The following OPRL1 variants were observed in gnomAD, a reference collection of about 807,000 sequenced individuals.
The protein encoded by OPRL1 is opioid related nociceptin receptor 1, also known as nociceptin receptor.
Under a neutral mutation model 15.5 loss-of-function variants are expected in OPRL1, and 5 were observed. That is an observed-to-expected ratio of 0.32 (90% confidence interval 0.17 to 0.68). OPRL1 has a LOEUF of 0.68. Among genes scored for constraint, OPRL1 ranks in the 30% least tolerant of loss-of-function variants. The probability of loss-of-function intolerance (pLI) is 0.72; values close to 1 mark genes in which losing one functional copy is unlikely to be tolerated. For synonymous variants in OPRL1, 223 were observed against 230.2 expected, an observed-to-expected ratio of 0.97 and a Z score of 0.28; for missense variants, 406 against 515.3, an observed-to-expected ratio of 0.79 and a Z score of 2.05.
chr20:64,093,109 C>G (rs892289013), intron 3 of OPRL1, among the ~76,000 whole-genome samples, 156 bp downstream of exon 3: 1 of 151,742 alleles, frequency 6.6e-6, no homozygotes, highest in Non-Finnish European at 1.5e-5. Flanking sequence ...AGGGTCAGTC[C>G]TGAGGCCCTG....
Position 64,091,394 on chromosome 20 carries a change from C to T in OPRL1, c.-184-572C>T, listed in dbSNP as rs560876740. On this transcript the variant is annotated intron_variant, in intron 1 of 4. Coordinates refer to ENST00000336866, the MANE Select transcript of OPRL1 (RefSeq NM_182647.4). ...AGTGACGAACAGACCCGGGTTTCAC[C>T]CCGTCTCTGCCACTGTGACAGGTGG... Among the ~76,000 whole-genome samples, 4 of 152,322 alleles carry T rather than the reference C, an allele frequency of 2.6e-5. No homozygotes were observed. The South Asian group carries it at 6.2e-4, about 24-fold the overall frequency.
In OPRL1 at chr20:64,088,757, C is replaced by G. The variant is rs2060087260; in HGVS notation, c.-184-3209C>G. 2.3e-4 allele frequency among the ~76,000 whole-genome samples: 19 copies of G among 83,726 alleles called. 1 individual carries two copies. The highest frequency in any genetic ancestry group is 1.2e-3 in the East Asian group (3 of 2,508). 54.9% of individuals were successfully genotyped at this position (83,726 alleles called of 152,430 possible). ...AAGGGGTAGGATCTGTGCAGAGTGG[C>G]CAGGATCTGTGCAGGGAGGGTAGGA... On this transcript the variant is annotated intron_variant, in intron 1 of 4. Coordinates refer to ENST00000336866, the MANE Select transcript of OPRL1 (RefSeq NM_182647.4).
intron 1 of OPRL1, among the ~76,000 whole-genome samples, chr20:64,080,650 C>T (rs1365270369): frequency 6.6e-6 from 1 of 152,194 alleles, no homozygotes; most frequent in Non-Finnish European, 1.5e-5. Flanking sequence ...TCCTTTATGA[C>T]TCGGTACAGA....
Position 64,098,031 on chromosome 20 carries a change from C to G in OPRL1, c.463C>G (p.Pro155Ala). 1 of 1,613,284 alleles carries G rather than the reference C, an allele frequency of 6.2e-7. No homozygotes were observed. The highest frequency in any genetic ancestry group is 8.5e-7 in the Non-Finnish European group (1 of 1,179,952). ...SVDRYVAICH[P>A]IRALDVRTSS... ...GGATCGCTATGTAGCCATCTGCCAC[C>G]CCATCCGTGCCCTCGACGTCCGCAC... Residue 155 changes from proline (P) to alanine (A), a missense_variant, in exon 4 of 5, where the codon CCC becomes GCC. Transcript: ENST00000336866.
chr20:64,091,700 TGTCCTGTGTCTCCA>T (rs1384010457), intron 1 of OPRL1, among the ~76,000 whole-genome samples: 1 of 152,188 alleles, frequency 6.6e-6, no homozygotes, highest in Non-Finnish European at 1.5e-5. Context: ...TGTGTCTCTC[TGTCCTGTGTCTCCA>T]ATCCTGTGTC....
chr20:64,085,055 C>A (rs2060029496), intron 1 of OPRL1: 1 of 152,246 alleles, frequency 6.6e-6, no homozygotes, highest in Non-Finnish European at 1.5e-5. Context: ...GCAGGGTCCC[C>A]TCCGGAGGGC....
At position 64,092,367 on chromosome 20, in the gene OPRL1, G is replaced by A. The variant is rs146834306; in HGVS notation, c.-34+251G>A. 1.3e-3 allele frequency among the ~76,000 whole-genome samples: 199 copies of A among 152,260 alleles called. 1 individual carries two copies. In the Middle Eastern group the frequency reaches 0.02, roughly 16 times the overall value. On this transcript the variant is annotated intron_variant, in intron 2 of 4. Transcript: ENST00000336866. ...GTGTGTTCATCAGTCCCTGTGGGTG[G>A]ACACGTGTCCTGGGGTGTAGCTGCC...
intron 1 of OPRL1, chr20:64,086,503 A>G (rs1217204895): frequency 6.1e-5 from 12 of 196,828 alleles, no homozygotes; most frequent in Non-Finnish European, 3.5e-5. Context: ...TTCTGTCCCC[A>G]GGATTCACGT....
At chr20:64,088,707 T>TGTGCAGGGAGGGCAGGATCC (rs2060083851) in intron 1 of OPRL1, among the ~76,000 whole-genome samples, 1 of 118,982 alleles carries the variant, frequency 8.4e-6, no homozygotes, top group Non-Finnish European at 1.8e-5. Context: ...GGCCAGGGTC[T>TGTGCAGGGAGGGCAGGATCC]GTGCAGAGTG....
Position 64,098,583 on chromosome 20 carries a change from C to T in OPRL1, c.897C>T (p.Ala299=). ...AGCCGAGCAGCGAGACTGCCGTGGCCATTCTGCGCTTCTGCACGGCCCTGG... is the reference window on the plus strand; with the variant it reads ...AGCCGAGCAGCGAGACTGCCGTGGCTATTCTGCGCTTCTGCACGGCCCTGG... The part of the protein sequence containing the change: ...GVQPSSETAV[A]ILRFCTALGY... Residue 299 remains alanine (A), a synonymous_variant, in exon 5 of 5, where the codon GCC becomes GCT. Transcript: ENST00000336866. 1.9e-6 allele frequency: 3 copies of T among 1,612,890 alleles called. No homozygotes were observed. The highest frequency in any genetic ancestry group is 2.5e-6 in the Non-Finnish European group (3 of 1,179,992).
chr20:64,093,156 T>C (rs1978400122), intron 3 of OPRL1, among the ~76,000 whole-genome samples: 1 of 150,918 alleles, frequency 6.6e-6, no homozygotes, highest in African/African-American at 2.4e-5. Flanking sequence ...GGGAGGGGGC[T>C]GGCCCTGGCC....
chr20:64,086,422 G>C (rs1299607087), intron 1 of OPRL1: 1 of 190,052 alleles, frequency 5.3e-6, no homozygotes, highest in Non-Finnish European at 1.2e-5. Flanking sequence ...TCTGCAAGAA[G>C]GGAGGTGTTC....
Position 64,083,653 on chromosome 20 carries a change from A to C in OPRL1, c.-185+3301A>C. ...CGGCGGCAGGAACAGCTCCAGCCGG[A>C]TGGCGGCGCGCGCGGACTTCTGCCG... On this transcript the variant is annotated intron_variant, in intron 1 of 4. Transcript: ENST00000336866. The surrounding 1 kb of genome is among the most constrained non-coding windows in gnomAD (Gnocchi z 4.9). 1 of 1,443,348 alleles carries C rather than the reference A, an allele frequency of 6.9e-7. No homozygotes were observed. Among genetic ancestry groups the C allele is most frequent in the Non-Finnish European group, 9.1e-7 (1 of 1,103,834 alleles). The allele number at this position is 1,443,348 out of a possible 1,614,324, so 89.4% of individuals were successfully genotyped here.
Position 64,090,298 on chromosome 20 carries a change from G to A in OPRL1, c.-184-1668G>A, listed in dbSNP as rs954743423. Among the ~76,000 whole-genome samples the A allele has an allele frequency of 2.6e-5, 4 of 152,188 alleles. No individual in the cohort carries two copies. The highest frequency in any genetic ancestry group is 6.5e-5 in the Admixed American group (1 of 15,274). ...GTGTCCCTTGAGTGTCTCTGTTGAC[G>A]TGCCCCGTGCCTTCACACGTGTCCC... On this transcript the variant is annotated intron_variant, in intron 1 of 4. Transcript: ENST00000336866. This position sits in a 1 kb window ranked among gnomAD's most constrained non-coding sequence, Gnocchi z 4.9.
intron 3 of OPRL1, among the ~76,000 whole-genome samples, chr20:64,093,275 A>AGCG (rs1057453826): frequency 2.7e-5 from 4 of 150,348 alleles, no homozygotes; most frequent in African/African-American, 9.8e-5. Flanking sequence ...GAGATCCCAC[A>AGCG]GCGGCCCTGG....
chr20:64,080,091 G>T lies in OPRL1; in HGVS notation c.-446G>T. On this transcript the variant is annotated 5_prime_UTR_variant, in exon 1 of 5. Coordinates refer to ENST00000336866, the MANE Select transcript of OPRL1 (RefSeq NM_182647.4). ...GCCGGCTCCGCACCCCACCCGCCCC[G>T]CCCGCGCGTCGGCCCCCACAGTCGC... 1 of 143,776 alleles carries T rather than the reference G, an allele frequency of 7.0e-6. No individual in the cohort carries two copies. The highest frequency in any genetic ancestry group is 2.2e-4 in the East Asian group (1 of 4,636). The allele number at this position is 143,776 out of a possible 1,614,324, so 8.9% of individuals were successfully genotyped here.
chr20:64,098,016 G>A lies in OPRL1; in HGVS notation c.448G>A (p.Val150Ile). The A allele has an allele frequency of 1.9e-6, 3 of 1,613,548 alleles. No individual in the cohort carries two copies. Among genetic ancestry groups the A allele is most frequent in the Non-Finnish European group, 2.5e-6 (3 of 1,180,006 alleles). ...TLTAMSVDRY[V>I]AICHPIRALD... ...AACTGCCATGAGTGTGGATCGCTAT[G>A]TAGCCATCTGCCACCCCATCCGTGC... Residue 150 changes from valine (V) to isoleucine (I), a missense_variant, in exon 4 of 5, where the codon GTA becomes ATA. Transcript: ENST00000336866.
chr20:64,082,580 C>A (rs1442912758), intron 1 of OPRL1, among the ~76,000 whole-genome samples: 1 of 152,110 alleles, frequency 6.6e-6, no homozygotes, highest in Non-Finnish European at 1.5e-5. Flanking sequence ...TCCTGCGGTC[C>A]CGCTTCTGTG....
In OPRL1 at chr20:64,097,255, T is replaced by C. The variant is rs140080720; in HGVS notation, c.234-547T>C. 1.5e-3 allele frequency among the ~76,000 whole-genome samples: 223 copies of C among 152,284 alleles called. No homozygotes were observed. The highest frequency in any genetic ancestry group is 5.0e-3 in the African/African-American group (206 of 41,550). On this transcript the variant is annotated intron_variant, in intron 3 of 4. Transcript: ENST00000336866. This position sits in a 1 kb window ranked among gnomAD's most constrained non-coding sequence, Gnocchi z 4.2. Reference sequence around the variant, plus strand: ...GGTGCTTGGATACACTCATACCTTATTAGCATCCCTCCTGTCCCCCCGTCA... The same window carrying C: ...GGTGCTTGGATACACTCATACCTTACTAGCATCCCTCCTGTCCCCCCGTCA...
Sources: allele counts gnomAD v4.1 joint callset (sites outside exome capture counted in the v4.1 genomes callset), GRCh38; gene constraint gnomAD v4.1.1; non-coding constraint Gnocchi (gnomAD v3.1); transcripts MANE v1.5; gene names NCBI Gene and HGNC (gene_info 2026-07-23, HGNC 2026-07-21).